Variants in RGS6 observed in about 807,000 individuals in gnomAD.
RGS6 encodes regulator of G-protein signaling 6.
In RGS6, 30 loss-of-function variants were observed where a neutral mutation model predicts 78.5. The observed-to-expected ratio is 0.38, with a 90% CI of 0.29 to 0.52. RGS6 has a LOEUF of 0.52. Among genes scored for constraint, RGS6 ranks in the 20% least tolerant of loss-of-function variants. RGS6 has a pLI of 0.85. For missense variants in RGS6, 495 were observed against 609.7 expected, an observed-to-expected ratio of 0.81 and a Z score of 1.98; for synonymous variants, 206 against 206.0, an observed-to-expected ratio of 1.00 and a Z score of 0.00.
chr14:72,129,633 T>C (rs1312512775), intron 2 of RGS6, among the ~76,000 whole-genome samples: 1 of 152,196 alleles, frequency 6.6e-6, no homozygotes, highest in Non-Finnish European at 1.5e-5. Flanking sequence ...TACAGGGATG[T>C]TGGGCTGTCT....
chr14:72,349,033 G>A (rs933645198), intron 2 of RGS6, among the ~76,000 whole-genome samples: 6 of 151,958 alleles, frequency 3.9e-5, no homozygotes, highest in African/African-American at 1.4e-4. Context: ...AGGCGTGGTG[G>A]CAGGCGCCTG....
downstream of RGS6, among the ~76,000 whole-genome samples, chr14:72,567,607 G>A (rs2097715092): frequency 1.3e-5 from 2 of 152,206 alleles, no homozygotes; most frequent in African/African-American, 4.8e-5. Context: ...CTGGGGACCT[G>A]TGGCATAACA....
the RGS6 span, among the ~76,000 whole-genome samples, chr14:71,897,666 G>A: frequency 5.2e-4 from 77 of 149,274 alleles, no homozygotes; most frequent in Non-Finnish European, 8.6e-4. Flanking sequence ...GATTACAGGC[G>A]CCCACCACCA....
At chr14:72,261,880 C>G (rs558282868) in intron 2 of RGS6, among the ~76,000 whole-genome samples, 6 of 152,176 alleles carry the variant, frequency 3.9e-5, no homozygotes, top group Non-Finnish European at 8.8e-5. Flanking sequence ...TCAAAGGTGA[C>G]TCTGTTCTAG....
chr14:72,370,847 T>C (rs1194250085), intron 3 of RGS6, among the ~76,000 whole-genome samples: 1 of 152,258 alleles, frequency 6.6e-6, no homozygotes, highest in Admixed American at 6.5e-5. Flanking sequence ...TTTTCCTTTT[T>C]CCTTTTGTTT....
At chr14:72,288,743 A>G (rs1441613567) in intron 2 of RGS6, among the ~76,000 whole-genome samples, 1 of 152,206 alleles carries the variant, frequency 6.6e-6, no homozygotes, top group Non-Finnish European at 1.5e-5. Flanking sequence ...TCAGAGGTCT[A>G]AGAAGCATGA....
chr14:72,373,690 A>G lies in RGS6; in HGVS notation c.184+21496A>G, dbSNP rs112350976. ...GGAAATAATCGTTTTGTCTTTGGCT[A>G]TTAATAGGTGAAAGACAGGAGAAAA... On this transcript the variant is annotated intron_variant, in intron 3 of 17. Transcript: ENST00000553525. Among the ~76,000 whole-genome samples the G allele has an allele frequency of 6.0e-3, 911 of 152,326 alleles. 6 individuals carry two copies. The highest frequency in any genetic ancestry group is 0.021 in the African/African-American group (867 of 41,572).
intron 2 of RGS6, among the ~76,000 whole-genome samples, chr14:72,261,277 C>G (rs1007710435): frequency 6.6e-6 from 1 of 152,112 alleles, no homozygotes; most frequent in African/African-American, 2.4e-5. Context: ...ATGTCACTTC[C>G]CTGTGTTAAC....
intron 2 of RGS6, among the ~76,000 whole-genome samples, chr14:72,339,653 C>G (rs2076631053): frequency 6.6e-6 from 1 of 152,112 alleles, no homozygotes; most frequent in Admixed American, 6.6e-5. Context: ...GACTCCAAGT[C>G]TTCAGATGAG....
intron 2 of RGS6, among the ~76,000 whole-genome samples, chr14:72,128,084 A>G (rs1373743229): frequency 6.6e-6 from 1 of 152,116 alleles, no homozygotes; most frequent in African/African-American, 2.4e-5. Context: ...CTGTTTCCAA[A>G]TTTTTGCTTA....
At chr14:72,170,269 G>A (rs1033933073) in intron 2 of RGS6, among the ~76,000 whole-genome samples, 2 of 152,214 alleles carry the variant, frequency 1.3e-5, no homozygotes, top group Non-Finnish European at 2.9e-5. Context: ...AATACAGACT[G>A]AGGTAGACCT....
At position 72,147,902 on chromosome 14, in the gene RGS6, C is replaced by A. The variant is rs542881492; in HGVS notation, c.84+183027C>A. ...ATCCCAGCACTTTGGGAGGCCAAGG[C>A]GGGCAGATCACGAAGTCAGGAGATT... is the stretch of plus-strand genomic sequence containing the variant. On this transcript the variant is annotated intron_variant, in intron 2 of 17. Transcript: ENST00000553525. Among the ~76,000 whole-genome samples the A allele has an allele frequency of 2.0e-5, 3 of 152,130 alleles. 1 individual carries two copies. In the Middle Eastern group the frequency reaches 0.01, roughly 517 times the overall value.
Position 72,564,555 on chromosome 14 carries a change from G to T in RGS6, c.*2088G>T, listed in dbSNP as rs925303417. 6.6e-5 allele frequency: 10 copies of T among 152,332 alleles called. No individual in the cohort carries two copies. The highest frequency in any genetic ancestry group is 2.4e-4 in the African/African-American group (10 of 41,570). The allele number at this position is 152,332 out of a possible 1,614,324, so 9.4% of individuals were successfully genotyped here. ...GGCTGTGCTGACCCCTAGGCATAGG[G>T]CAAAGGGTGTTCCCAAGCAGCAGGC... On this transcript the variant is annotated 3_prime_UTR_variant, in exon 18 of 18. Transcript: ENST00000553525.
intron 12 of RGS6, among the ~76,000 whole-genome samples, chr14:72,490,219 T>C (rs528716459): frequency 6.6e-6 from 1 of 152,210 alleles, no homozygotes; most frequent in African/African-American, 2.4e-5. Flanking sequence ...TGAGATCTGA[T>C]GGCTTTAAAA....
intron 2 of RGS6, among the ~76,000 whole-genome samples, chr14:72,033,533 C>T (rs2091233947): frequency 6.6e-6 from 1 of 152,142 alleles, no homozygotes; most frequent in Non-Finnish European, 1.5e-5. Flanking sequence ...GTGTGCTCGG[C>T]TGATGCTTTG....
chr14:72,063,772 A>G (rs762681186), intron 2 of RGS6, among the ~76,000 whole-genome samples: 1 of 152,102 alleles, frequency 6.6e-6, no homozygotes, highest in African/African-American at 2.4e-5. Flanking sequence ...GTACGGAGAC[A>G]TATAGGTGAA....
chr14:72,038,190 G>A (rs2091977143), intron 2 of RGS6, among the ~76,000 whole-genome samples: 1 of 151,994 alleles, frequency 6.6e-6, no homozygotes, highest in African/African-American at 2.4e-5. Context: ...GTCTTGTCTT[G>A]AACTCCTGGC....
At chr14:72,413,197 G>T (rs1481547763) in intron 3 of RGS6, among the ~76,000 whole-genome samples, 1 of 152,192 alleles carries the variant, frequency 6.6e-6, no homozygotes, top group Non-Finnish European at 1.5e-5. Flanking sequence ...TATTGTGTGG[G>T]AGTCTAAGTC....
chr14:72,595,206 C>A, the RGS6 span: 1 of 152,122 alleles, frequency 6.6e-6, no homozygotes, highest in East Asian at 1.9e-4. Context: ...ACCACCCTGA[C>A]CTTAGCAATA....
Sources: gnomAD v4.1 joint callset for allele counts (sites outside exome capture counted in the v4.1 genomes callset) on GRCh38, gnomAD v4.1.1 for gene constraint, MANE v1.5 for transcripts, NCBI Gene and HGNC (gene_info 2026-07-23, HGNC 2026-07-21) for gene names.